The following SOCS2 variants were observed in gnomAD, a reference collection of about 807,000 sequenced individuals.
SOCS2 encodes the protein CIS-2.
SOCS2 carries 10 observed loss-of-function variants against 18.6 expected under a neutral mutation model. The observed-to-expected ratio is 0.54, with a 90% CI of 0.33 to 0.91. The LOEUF is 0.91. Ranked by LOEUF, SOCS2 falls within the 40% of genes least tolerant of loss-of-function variation. SOCS2 has a pLI of 0.02. For synonymous variants in SOCS2, 104 were observed against 104.0 expected (o/e 1.00, Z 0.00); for missense variants, 231 against 247.2 (o/e 0.93, Z 0.44).
downstream of SOCS2, among the ~76,000 whole-genome samples, chr12:93,583,685 T>C (rs1224411909): frequency 6.6e-6 from 1 of 152,184 alleles, no homozygotes; most frequent in Non-Finnish European, 1.5e-5. Flanking sequence ...GGGCAGGCCA[T>C]GGGTTTTATT....
chr12:93,611,323 C>T, the SOCS2 span, among the ~76,000 whole-genome samples: 2,312 of 152,248 alleles, frequency 0.015, 72 homozygotes, highest in African/African-American at 0.053. Context: ...CTGCAACCTC[C>T]ACCTCCTTGG....
the SOCS2 span, among the ~76,000 whole-genome samples, chr12:93,601,018 T>G: frequency 6.6e-6 from 1 of 151,778 alleles, no homozygotes. Context: ...CTTGAACTCT[T>G]GCGCTCAAGT....
downstream of SOCS2, among the ~76,000 whole-genome samples, chr12:93,583,706 C>T (rs1007305049): frequency 2.6e-5 from 4 of 152,136 alleles, no homozygotes; most frequent in Non-Finnish European, 4.4e-5. Flanking sequence ...ACGTCCAAGG[C>T]GTGACAGGCA....
downstream of SOCS2, among the ~76,000 whole-genome samples, chr12:93,578,713 G>C (rs970343438): frequency 5.4e-5 from 7 of 130,560 alleles, no homozygotes; most frequent in African/African-American, 1.9e-4. Context: ...CACACACACA[G>C]GCACACAACC....
At chr12:93,609,989 A>G in the SOCS2 span, among the ~76,000 whole-genome samples, 7 of 152,196 alleles carry the variant, frequency 4.6e-5, no homozygotes, top group Non-Finnish European at 8.8e-5. Context: ...CTTTTAGAAG[A>G]AGCCTATTGA....
the SOCS2 span, among the ~76,000 whole-genome samples, chr12:93,625,835 C>T: frequency 6.6e-6 from 1 of 151,596 alleles, no homozygotes; most frequent in Non-Finnish European, 1.5e-5. Context: ...TCTCTTAGCA[C>T]ATTGTGTTGT....
downstream of SOCS2, among the ~76,000 whole-genome samples, chr12:93,578,919 G>A (rs1486338603): frequency 1.3e-5 from 2 of 152,176 alleles, no homozygotes; most frequent in Admixed American, 1.3e-4. Context: ...GGAATACCCT[G>A]TGGGATAATT....
chr12:93,613,408 GA>G, the SOCS2 span, among the ~76,000 whole-genome samples: 5 of 147,186 alleles, frequency 3.4e-5, no homozygotes, highest in Middle Eastern at 3.2e-3. Context: ...GCCCCTCCCA[GA>G]AAAAAAAACC....
At chr12:93,614,480 T>TTCCTTTCTTTCTTTCCTTCCTTCC in the SOCS2 span, among the ~76,000 whole-genome samples, 2 of 26,152 alleles carry the variant, frequency 7.6e-5, no homozygotes, top group Admixed American at 3.9e-4. Flanking sequence ...CCTTCCTTCC[T>TTCCTTTCTTTCTTTCCTTCCTTCC]TTCCTTCCTT....
the SOCS2 span, among the ~76,000 whole-genome samples, chr12:93,607,335 T>C: frequency 1.3e-5 from 2 of 152,178 alleles, no homozygotes; most frequent in African/African-American, 4.8e-5. Flanking sequence ...TGAAACACAA[T>C]TTGATAAGGG....
chr12:93,614,623 C>A, the SOCS2 span, among the ~76,000 whole-genome samples: 2 of 91,644 alleles, frequency 2.2e-5, no homozygotes, highest in African/African-American at 8.6e-5. Context: ...TTCTTTCTTT[C>A]TTTCTTTCTT....
At chr12:93,612,694 TA>T in the SOCS2 span, among the ~76,000 whole-genome samples, 1 of 152,214 alleles carries the variant, frequency 6.6e-6, no homozygotes, top group African/African-American at 2.4e-5. Flanking sequence ...CAGTCTATCA[TA>T]GTCCCTGGCA....
chr12:93,604,089 T>C, the SOCS2 span, among the ~76,000 whole-genome samples: 2 of 152,142 alleles, frequency 1.3e-5, no homozygotes, highest in African/African-American at 4.8e-5. Context: ...AACGTTGCGG[T>C]GTTGGCCTCT....
rs1210478438 is a variant in SOCS2, at chr12:93,572,707, T to A, written c.-191T>A. 5.0e-6 allele frequency: 4 copies of A among 796,426 alleles called. No homozygotes were observed. In the South Asian group the frequency reaches 5.8e-5, roughly 12 times the overall value. The allele number at this position is 796,426 out of a possible 1,614,324, so 49.3% of individuals were successfully genotyped here. A position where few individuals can be genotyped will look rare whatever the true frequency, so the allele number is the denominator to read the frequency against. On this transcript the variant is annotated 5_prime_UTR_variant, in exon 1 of 2. Coordinates refer to ENST00000551556, the MANE Select transcript of SOCS2 (RefSeq NM_001270471.2). This position sits in a 1 kb window ranked among gnomAD's most constrained non-coding sequence, Gnocchi z 5.0. ...TAGGCGATCAGTGGGTGACCGCGGC[T>A]GCGAGGGACTTTGTCATCCGTCCTC...
At chr12:93,620,395 G>T in the SOCS2 span, among the ~76,000 whole-genome samples, 1 of 152,042 alleles carries the variant, frequency 6.6e-6, no homozygotes, top group African/African-American at 2.4e-5. Flanking sequence ...TGAAGAGTTT[G>T]GAGCTACATT....
At chr12:93,613,224 C>T in the SOCS2 span, among the ~76,000 whole-genome samples, 1 of 152,126 alleles carries the variant, frequency 6.6e-6, no homozygotes, top group Non-Finnish European at 1.5e-5. Context: ...AACAACAAAG[C>T]TTCTGTATAA....
chr12:93,586,381 T>C (rs147581612), downstream of SOCS2, among the ~76,000 whole-genome samples: 139 of 152,360 alleles, frequency 9.1e-4, 1 homozygote, highest in African/African-American at 2.4e-3. Context: ...CTTGAAGCTT[T>C]TCAGGCACAT....
In SOCS2 at chr12:93,575,388, C is replaced by A; in HGVS notation, c.*209C>A. 1 of 358,158 alleles carries A rather than the reference C, an allele frequency of 2.8e-6. No individual in the cohort carries two copies. The allele number at this position is 358,158 out of a possible 1,614,324, so 22.2% of individuals were successfully genotyped here. ...CTTTTACCTGAGTGATGCTTCCCTT[C>A]CTAAGGCTGACCAAGACCTGTTGAT... On this transcript the variant is annotated 3_prime_UTR_variant, in exon 2 of 2. Coordinates refer to ENST00000551556, the MANE Select transcript of SOCS2 (RefSeq NM_001270471.2).
the SOCS2 span, among the ~76,000 whole-genome samples, chr12:93,590,161 G>A: frequency 6.6e-6 from 1 of 151,928 alleles, no homozygotes. Context: ...CTTGAACCCG[G>A]TAGGTGGAGG....
Sources: allele counts gnomAD v4.1 joint callset (sites outside exome capture counted in the v4.1 genomes callset), GRCh38; gene constraint gnomAD v4.1.1; non-coding constraint Gnocchi (gnomAD v3.1); transcripts MANE v1.5; gene names NCBI Gene and HGNC (gene_info 2026-07-23, HGNC 2026-07-21).